IRAG1: variants seen among roughly 807,000 people sequenced by gnomAD.
IRAG1 encodes IP3R-associated cGMP kinase substrate.
A neutral mutation model predicts 106.2 loss-of-function variants in IRAG1; 62 were observed. That is an observed-to-expected ratio of 0.58 (90% CI 0.48 to 0.72). The LOEUF is 0.72. Among genes scored for constraint, IRAG1 ranks in the 30% least tolerant of loss-of-function variants. The pLI, the probability that IRAG1 is intolerant of heterozygous loss-of-function variation, is 0.00. For missense variants in IRAG1, 1,064 were observed against 1,140.7 expected, an observed-to-expected ratio of 0.93 and a Z score of 0.97; for synonymous variants, 462 against 443.9, an observed-to-expected ratio of 1.04 and a Z score of -0.51.
chr11:10,680,521 A>G (rs1329708410), intron 1 of IRAG1, among the ~76,000 whole-genome samples: 1 of 134,170 alleles, frequency 7.5e-6, no homozygotes, highest in Non-Finnish European at 1.5e-5. Flanking sequence ...AAAAGAAAGG[A>G]AGAAAGGAAG....
In IRAG1 at chr11:10,576,281, G is replaced by A. The variant is rs1850806570; in HGVS notation, c.*51C>T. 1.9e-6 allele frequency: 3 copies of A among 1,605,716 alleles called. No individual in the cohort carries two copies. Among genetic ancestry groups the A allele is most frequent in the Admixed American group, 3.3e-5 (2 of 59,768 alleles). On this transcript the variant is annotated 3_prime_UTR_variant, in exon 21 of 21. Transcript: ENST00000423302. ...GGCCTGACGTTATACTTGGGGAAAGGGTGGTAGTCTGAGTGTCTCAGAGCA... is the reference window on the plus strand; with the variant it reads ...GGCCTGACGTTATACTTGGGGAAAGAGTGGTAGTCTGAGTGTCTCAGAGCA...
intron 10 of IRAG1, among the ~76,000 whole-genome samples, chr11:10,612,436 A>C (rs1006412498): frequency 6.6e-6 from 1 of 152,170 alleles, no homozygotes; most frequent in Non-Finnish European, 1.5e-5. Flanking sequence ...CCCACCACCT[A>C]AGCAGTAACA....
intron 10 of IRAG1, among the ~76,000 whole-genome samples, chr11:10,622,789 C>T (rs1362251119): frequency 6.6e-6 from 1 of 151,680 alleles, no homozygotes; most frequent in South Asian, 2.1e-4. Context: ...TCACCTAGCC[C>T]CCTGCCACAT....
intron 10 of IRAG1, among the ~76,000 whole-genome samples, chr11:10,610,718 T>C (rs1169725520): frequency 1.3e-5 from 2 of 152,216 alleles, no homozygotes; most frequent in Non-Finnish European, 2.9e-5. Context: ...CTTTGGTAAA[T>C]GTCCCTGGCA....
chr11:10,688,637 G>C (rs555804906), intron 1 of IRAG1, among the ~76,000 whole-genome samples: 1 of 152,066 alleles, frequency 6.6e-6, no homozygotes, highest in South Asian at 2.1e-4. Context: ...ATTCCTGTTG[G>C]TTTTGCTGGG....
At chr11:10,605,145 C>A (rs1854375572) in intron 12 of IRAG1, among the ~76,000 whole-genome samples, 1 of 152,222 alleles carries the variant, frequency 6.6e-6, no homozygotes, top group Non-Finnish European at 1.5e-5. Flanking sequence ...GCTAAAATTG[C>A]AGCCTGCATG....
chr11:10,650,077 GATT>G (rs1374350427), intron 2 of IRAG1, among the ~76,000 whole-genome samples: 7 of 152,186 alleles, frequency 4.6e-5, no homozygotes, highest in African/African-American at 1.7e-4. Context: ...CTCATGTTAT[GATT>G]ACATTTGTTT....
intron 20 of IRAG1, among the ~76,000 whole-genome samples, chr11:10,578,697 G>A (rs73411999): frequency 0.014 from 2,097 of 152,302 alleles, 37 homozygotes; most frequent in African/African-American, 0.044. Context: ...TGATGACCAG[G>A]AGCTGGACAG....
intron 10 of IRAG1, among the ~76,000 whole-genome samples, chr11:10,613,743 C>G (rs1478438689): frequency 6.6e-6 from 1 of 152,140 alleles, no homozygotes; most frequent in African/African-American, 2.4e-5. Flanking sequence ...GATATTCGGC[C>G]ATTCTCATCT....
intron 2 of IRAG1, among the ~76,000 whole-genome samples, chr11:10,635,377 G>A (rs1857073011): frequency 1.3e-5 from 2 of 152,192 alleles, no homozygotes; most frequent in African/African-American, 4.8e-5. Flanking sequence ...GCATGTTGCT[G>A]CCACCTCCAC....
chr11:10,674,866 T>C (rs1223330907), intron 1 of IRAG1, among the ~76,000 whole-genome samples: 1 of 152,194 alleles, frequency 6.6e-6, no homozygotes, highest in Non-Finnish European at 1.5e-5. Flanking sequence ...ACTCCAGATT[T>C]AGCGAGAGTC....
chr11:10,597,366 T>C (rs1012512688), intron 15 of IRAG1, among the ~76,000 whole-genome samples: 1 of 152,230 alleles, frequency 6.6e-6, no homozygotes, highest in Non-Finnish European at 1.5e-5. Context: ...CACTCTGTCA[T>C]CCAGAATGAA....
At chr11:10,608,265 T>G (rs1854645916) in intron 11 of IRAG1, among the ~76,000 whole-genome samples, 1 of 152,102 alleles carries the variant, frequency 6.6e-6, no homozygotes, top group Admixed American at 6.5e-5. Context: ...GCTGGGACTA[T>G]GGGTGCATGC....
At chr11:10,606,871 G>A in intron 11 of IRAG1, 99 bp from the exon 12 acceptor site, 1 of 1,159,414 alleles carries the variant, frequency 8.6e-7, no homozygotes, top group Non-Finnish European at 1.2e-6. Context: ...TCCAGGGGTG[G>A]AGTAAGCTGT....
chr11:10,662,585 A>C (rs540580956), intron 1 of IRAG1, among the ~76,000 whole-genome samples: 1 of 152,320 alleles, frequency 6.6e-6, no homozygotes, highest in East Asian at 1.9e-4. Context: ...GAGCAGCCCC[A>C]CCAGCCCCTC....
At chr11:10,675,033 G>T (rs1860542668) in intron 1 of IRAG1, among the ~76,000 whole-genome samples, 1 of 152,254 alleles carries the variant, frequency 6.6e-6, no homozygotes, top group South Asian at 2.1e-4. Context: ...GGAGCAGGAA[G>T]GAATGGGCAC....
chr11:10,609,825 T>A lies in IRAG1; in HGVS notation c.1474A>T (p.Ile492Phe). Residue 492 changes from isoleucine (I) to phenylalanine (F), a missense_variant, in exon 11 of 21, where the codon ATT (isoleucine) becomes TTT (phenylalanine). Transcript: ENST00000423302. ...KGLPSELSPA[I>F]EEEESKSGLD... ...CCACTCTTTGACTCTTCTTCCTCAA[T>A]AGCTGGGGAGAGTTCAGAAGGAAGC... The A allele has an allele frequency of 6.2e-7, 1 of 1,613,964 alleles. No homozygotes were observed. Among genetic ancestry groups the A allele is most frequent in the South Asian group, 1.1e-5 (1 of 91,088 alleles).
At chr11:10,603,343 T>C in intron 13 of IRAG1, 92 bp from the exon 14 acceptor site, 4 of 1,461,772 alleles carry the variant, frequency 2.7e-6, no homozygotes, top group Non-Finnish European at 3.7e-6. Flanking sequence ...AGGGACTGGT[T>C]TGGAAGACAA....
At position 10,650,929 on chromosome 11, in the gene IRAG1, C is replaced by T. The variant is rs186417383; in HGVS notation, c.225+1096G>A. On this transcript the variant is annotated intron_variant, in intron 2 of 20. Coordinates refer to ENST00000423302, the MANE Select transcript of IRAG1 (RefSeq NM_130385.4). ...TGTTTACTATCTAAGTTCCCAGAGTCGTAATGTGTCAGAAAACAAATGCCA... is the reference window on the plus strand; with the variant it reads ...TGTTTACTATCTAAGTTCCCAGAGTTGTAATGTGTCAGAAAACAAATGCCA... 2.7e-3 allele frequency among the ~76,000 whole-genome samples: 416 copies of T among 152,294 alleles called. 2 individuals are homozygous for T. Among genetic ancestry groups the T allele is most frequent in the African/African-American group, 8.9e-3 (372 of 41,570 alleles).
Sources: allele counts gnomAD v4.1 joint callset (sites outside exome capture counted in the v4.1 genomes callset), GRCh38; gene constraint gnomAD v4.1.1; transcripts MANE v1.5; gene names NCBI Gene and HGNC (gene_info 2026-07-23, HGNC 2026-07-21).